PSD3: variants seen among roughly 807,000 people sequenced by gnomAD.
PSD3 encodes the protein PH and SEC7 domain-containing protein 3.
PSD3 carries 49 observed loss-of-function variants against 105.5 expected under a neutral mutation model. The observed-to-expected ratio is 0.46, with a 90% CI of 0.37 to 0.59. PSD3 has a LOEUF of 0.59. Among genes scored for constraint, PSD3 ranks in the 20% least tolerant of loss-of-function variants. The probability of loss-of-function intolerance (pLI) is 0.00; values close to 1 mark genes in which losing one functional copy is unlikely to be tolerated. For synonymous variants in PSD3, 557 were observed against 457.8 expected, an observed-to-expected ratio of 1.22 and a Z score of -2.77; for missense variants, 1,561 against 1,263.8, an observed-to-expected ratio of 1.24 and a Z score of -3.57.
chr8:18,775,551 A>T (rs1304135891), intron 8 of PSD3, among the ~76,000 whole-genome samples: 1 of 152,126 alleles, frequency 6.6e-6, no homozygotes, highest in Non-Finnish European at 1.5e-5. Flanking sequence ...GGGTAAAATG[A>T]TATCTCCTGT....
At chr8:18,839,257 G>A (rs1259072250) in intron 4 of PSD3, among the ~76,000 whole-genome samples, 1 of 152,156 alleles carries the variant, frequency 6.6e-6, no homozygotes, top group Non-Finnish European at 1.5e-5. Flanking sequence ...AGCATGGACA[G>A]AAGAGACATT....
At chr8:18,661,357 CA>C (rs1459321508) in intron 9 of PSD3, among the ~76,000 whole-genome samples, 1 of 152,170 alleles carries the variant, frequency 6.6e-6, no homozygotes, top group Non-Finnish European at 1.5e-5. Flanking sequence ...TTAGATCAAG[CA>C]GACTGTTAAG....
chr8:18,613,736 G>C (rs1045200944), intron 11 of PSD3, among the ~76,000 whole-genome samples: 2 of 152,176 alleles, frequency 1.3e-5, no homozygotes, highest in Non-Finnish European at 2.9e-5. Context: ...CTCTAAAGCA[G>C]AATCCATTCT....
At chr8:18,746,325 C>T (rs1282078802) in intron 9 of PSD3, among the ~76,000 whole-genome samples, 1 of 152,196 alleles carries the variant, frequency 6.6e-6, no homozygotes, top group Non-Finnish European at 1.5e-5. Flanking sequence ...CCCTCCCTCC[C>T]CTGCTGACCC....
rs1173171056 is a variant in PSD3 at position 18,871,780 on chromosome 8, C to G, written c.1084G>C (p.Asp362His). 16 of 1,614,168 alleles carry G rather than the reference C, an allele frequency of 9.9e-6. No homozygotes were observed. The highest frequency in any genetic ancestry group is 1.3e-5 in the Non-Finnish European group (15 of 1,180,030). Residue 362 changes from aspartate (D) to histidine (H), a missense_variant, in exon 3 of 16, where the codon GAT becomes CAT. Asp to His is a moderately conservative substitution (Grantham distance 81, BLOSUM62 -1). Transcript: ENST00000327040. ...TCTGAAGGAGCTTTCCAGGATTCAT[C>G]CCAAACATTCTCAGTTAAACTACTT... ...NSSSLTENVW[D>H]ESWKAPSERP...
At chr8:18,993,848 C>T (rs77078894) in intron 1 of PSD3, among the ~76,000 whole-genome samples, 19,063 of 139,296 alleles carry the variant, frequency 0.14, 1,445 homozygotes, top group Non-Finnish European at 0.17. Flanking sequence ...TTTTCCAGAA[C>T]AATTTGATTA....
At chr8:18,814,596 A>C (rs1187869422) in intron 4 of PSD3, among the ~76,000 whole-genome samples, 1 of 152,234 alleles carries the variant, frequency 6.6e-6, no homozygotes, top group Non-Finnish European at 1.5e-5. Flanking sequence ...CCCATATTAC[A>C]ATCATTTCAA....
chr8:18,556,477 C>G (rs1345594418), intron 14 of PSD3, 125 bp from the exon 15 acceptor site: 1 of 912,534 alleles, frequency 1.1e-6, no homozygotes, highest in Admixed American at 2.5e-5. Context: ...CAATGTGCCT[C>G]TGCTGCCACA....
At chr8:18,808,792 C>T (rs751001206) in intron 4 of PSD3, 41 of 1,613,948 alleles carry the variant, frequency 2.5e-5, no homozygotes, top group Admixed American at 2.3e-4. Context: ...CCCATCGCAA[C>T]CCCTGGGGTG....
At chr8:19,054,796 C>T (rs1438531859) in intron 1 of PSD3, among the ~76,000 whole-genome samples, 1 of 152,118 alleles carries the variant, frequency 6.6e-6, no homozygotes, top group Non-Finnish European at 1.5e-5. Context: ...AATATTAAAT[C>T]CTGATAGACC....
intron 14 of PSD3, among the ~76,000 whole-genome samples, chr8:18,561,347 G>A (rs558391082): frequency 9.8e-4 from 149 of 152,216 alleles, no homozygotes; most frequent in Non-Finnish European, 1.8e-3. Context: ...AAACCTGGAG[G>A]ACATTTTGCT....
At chr8:18,581,736 G>A (rs1419842276) in intron 12 of PSD3, among the ~76,000 whole-genome samples, 1 of 152,126 alleles carries the variant, frequency 6.6e-6, no homozygotes, top group Non-Finnish European at 1.5e-5. Flanking sequence ...CATAATACTG[G>A]TCTTCTCATC....
At chr8:18,606,805 A>G (rs1034189635) in intron 11 of PSD3, among the ~76,000 whole-genome samples, 2 of 152,224 alleles carry the variant, frequency 1.3e-5, no homozygotes, top group African/African-American at 4.8e-5. Flanking sequence ...ACATTAACTA[A>G]GCACCTACAC....
rs759186561 is a variant in PSD3, at chr8:18,531,129, A to G, written c.*4614T>C. On this transcript the variant is annotated 3_prime_UTR_variant, in exon 16 of 16. Coordinates refer to ENST00000327040, the MANE Select transcript of PSD3 (RefSeq NM_015310.4). ...TGACTGACATACTGCCTGTAAGAAT[A>G]GTCTCCAAAAGCCTGCAATACTACA... The G allele has an allele frequency of 1.3e-4, 20 of 152,652 alleles. No homozygotes were observed. Among genetic ancestry groups the G allele is most frequent in the Non-Finnish European group, 2.5e-4 (17 of 68,048 alleles). 9.5% of individuals were successfully genotyped at this position (152,652 alleles called of 1,614,324 possible).
At chr8:18,565,801 G>C (rs1309430620) in intron 14 of PSD3, among the ~76,000 whole-genome samples, 3 of 152,124 alleles carry the variant, frequency 2.0e-5, no homozygotes, top group Non-Finnish European at 2.9e-5. Context: ...TTCTCAATAG[G>C]AGTGGGTTGG....
intron 2 of PSD3, among the ~76,000 whole-genome samples, chr8:18,923,205 C>T (rs1821146827): frequency 1.3e-5 from 2 of 152,188 alleles, no homozygotes; most frequent in South Asian, 4.2e-4. Flanking sequence ...AAAAAAAAAC[C>T]TCATAATGTT....
chr8:18,575,102 A>G (rs760637656), intron 13 of PSD3, 26 bp downstream of exon 13: 13 of 1,605,248 alleles, frequency 8.1e-6, no homozygotes, highest in South Asian at 1.1e-5. Context: ...AAAACACAAA[A>G]TCAAATAAAA....
Position 18,697,893 on chromosome 8 carries a change from A to G in PSD3, c.2173-42208T>C, listed in dbSNP as rs931920681. 1.3e-5 allele frequency among the ~76,000 whole-genome samples: 2 copies of G among 152,230 alleles called. 1 individual carries two copies. The highest frequency in any genetic ancestry group is 4.1e-4 in the South Asian group (2 of 4,834). On this transcript the variant is annotated intron_variant, in intron 9 of 15. Transcript: ENST00000327040. ...CATCGTTGCATCACTTTTCTCTGAG[A>G]AAAAGTCTGTACATAATTTATCTAT...
intron 2 of PSD3, among the ~76,000 whole-genome samples, chr8:18,891,561 T>C (rs893498618): frequency 6.6e-6 from 1 of 152,206 alleles, no homozygotes; most frequent in East Asian, 1.9e-4. Context: ...ACTTACTGCA[T>C]GTATGACCTA....
Sources: allele counts gnomAD v4.1 joint callset (sites outside exome capture counted in the v4.1 genomes callset), GRCh38; gene constraint gnomAD v4.1.1; transcripts MANE v1.5; gene names NCBI Gene and HGNC (gene_info 2026-07-23, HGNC 2026-07-21).